The following HOXD8 variants were observed in gnomAD, a reference collection of about 807,000 sequenced individuals.
HOXD8 encodes the protein homeobox protein Hox-D8.
Under a neutral mutation model 25.4 loss-of-function variants are expected in HOXD8, and 17 were observed. That is an observed-to-expected ratio of 0.67 (90% CI 0.46 to 1.00). HOXD8 has a LOEUF of 1.00. HOXD8 is among the 50% of genes least tolerant of loss of function. The pLI, the probability that HOXD8 is intolerant of heterozygous loss-of-function variation, is 0.00. For synonymous variants in HOXD8, 203 were observed against 175.3 expected (o/e 1.16, Z -1.25); for missense variants, 511 against 398.5 (o/e 1.28, Z -2.40).
At position 176,131,790 on chromosome 2, in the gene HOXD8, T is replaced by C. The variant is rs1351148154; in HGVS notation, c.*178T>C. 3.5e-6 allele frequency: 2 copies of C among 575,118 alleles called. No homozygotes were observed. Among genetic ancestry groups the C allele is most frequent in the Non-Finnish European group, 6.1e-6 (2 of 326,802 alleles). The allele number at this position is 575,118 out of a possible 1,614,324, so 35.6% of individuals were successfully genotyped here. ...TTTGGGTGTTTAAAAAAGTTTCTAG[T>C]ATCACATAGAAGCTGTCCTTGAGCT... On this transcript the variant is annotated 3_prime_UTR_variant, in exon 2 of 2. Transcript: ENST00000313173.
Position 176,129,839 on chromosome 2 carries a change from G to C in HOXD8, c.-528G>C, listed in dbSNP as rs1157839635. 1 of 264,786 alleles carries C rather than the reference G, an allele frequency of 3.8e-6. No homozygotes were observed. Among genetic ancestry groups the C allele is most frequent in the East Asian group, 1.5e-4 (1 of 6,646 alleles). 16.4% of individuals were successfully genotyped at this position (264,786 alleles called of 1,614,324 possible). A position where few individuals can be genotyped will look rare whatever the true frequency, so the allele number is the denominator to read the frequency against. ...TTGGCGGGAGGGGGGCGCGGGGGGG[G>C]CGCGGTAAGAGGTGGCGGCGGGCAG... On this transcript the variant is annotated 5_prime_UTR_variant, in exon 1 of 2. Transcript: ENST00000313173.
In HOXD8 at chr2:176,130,407, A is replaced by AGGCGGCGGCTGC. The variant is rs1553519628; in HGVS notation, c.51_62dup (p.Ala20_Ala23dup). On this transcript the variant is annotated inframe_insertion, in exon 1 of 2. Transcript: ENST00000313173. The stretch of plus-strand genomic sequence containing the variant: ...GTGAACCCGCTGTACTCCAAGTACA[A>AGGCGGCGGCTGC]GGCGGCGGCTGCGGCGGCGGCGGCG... The AGGCGGCGGCTGC allele has an allele frequency of 9.4e-6, 14 of 1,486,610 alleles. No individual in the cohort carries two copies. The highest frequency in any genetic ancestry group is 6.9e-5 in the Admixed American group (3 of 43,514). 92.1% of individuals were successfully genotyped at this position (1,486,610 alleles called of 1,614,324 possible).
rs770194492 is a variant in HOXD8, at chr2:176,131,382, G to T, written c.643G>T (p.Glu215Ter). The change falls in exon 2 of 2, where the codon GAA becomes TAA. Residue 215 changes from glutamate to a stop codon, truncating the protein, a stop_gained. Coordinates refer to ENST00000313173, the MANE Select transcript of HOXD8 (RefSeq NM_019558.4). LOFTEE classifies it high-confidence loss of function. ...SRFQTLELEK[E>*]FLFNPYLTRK... ...CTTCCAAACTCTAGAGTTGGAAAAGGAATTTCTTTTTAACCCCTATCTGAC... is the reference window on the plus strand; with the variant it reads ...CTTCCAAACTCTAGAGTTGGAAAAGTAATTTCTTTTTAACCCCTATCTGAC... 5 of 1,613,314 alleles carry T rather than the reference G, an allele frequency of 3.1e-6. No individual in the cohort carries two copies. The highest frequency in any genetic ancestry group is 4.2e-6 in the Non-Finnish European group (5 of 1,179,792).
chr2:176,131,331 C>A lies in HOXD8; in HGVS notation c.592C>A (p.Arg198=). 6.4e-7 allele frequency: 1 copy of A among 1,562,124 alleles called. No individual in the cohort carries two copies. Among genetic ancestry groups the A allele is most frequent in the Admixed American group, 1.9e-5 (1 of 53,132 alleles). Residue 198 remains arginine, a synonymous_variant, in exon 2 of 2, where the codon CGA becomes AGA. Coordinates refer to ENST00000313173, the MANE Select transcript of HOXD8 (RefSeq NM_019558.4). ...GTTTTAATCAGCAGCTCCTGGTAGA[C>A]GAAGAGGAAGACAAACCTACAGTCG... The part of the protein sequence containing the change: ...WMRPQAAPGR[R]RGRQTYSRFQ...
chr2:176,130,502 G>C lies in HOXD8; in HGVS notation c.136G>C (p.Ala46Pro), dbSNP rs2105405162. The change falls in exon 1 of 2, where the codon GCC (alanine) becomes CCC (proline). Residue 46 changes from alanine (A) to proline (P), a missense_variant. Coordinates refer to ENST00000313173, the MANE Select transcript of HOXD8 (RefSeq NM_019558.4). ...FAPEVGGRHA[A>P]AAAALQLYGN... ...GCCCGAGGTCGGCGGCCGTCACGCC[G>C]CCGCCGCAGCAGCCCTGCAGCTCTA... 6.7e-7 allele frequency: 1 copy of C among 1,491,280 alleles called. No individual in the cohort carries two copies. The highest frequency in any genetic ancestry group is 1.3e-5 in the South Asian group (1 of 79,850). The allele number at this position is 1,491,280 out of a possible 1,614,324, so 92.4% of individuals were successfully genotyped here.
At chr2:176,131,198 G>A in intron 1 of HOXD8, 119 bp from the exon 2 acceptor site, 1 of 864,750 alleles carries the variant, frequency 1.2e-6, no homozygotes, top group Non-Finnish European at 1.8e-6. Context: ...CGGAGCTAAA[G>A]AGCTCTGTGT....
In HOXD8 at chr2:176,130,113, A is replaced by AGGGAGGCGGCGCGAAGCCG. The variant is rs947469932; in HGVS notation, c.-253_-235dup. On this transcript the variant is annotated 5_prime_UTR_variant, in exon 1 of 2. Transcript: ENST00000313173. ...GCTGGGCGAGGCCCCGCGACCCGCG[A>AGGGAGGCGGCGCGAAGCCG]GGGAGGCGGCGCGAAGCCGAGGCGG... 2 of 154,182 alleles carry AGGGAGGCGGCGCGAAGCCG rather than the reference A, an allele frequency of 1.3e-5. No homozygotes were observed. Among genetic ancestry groups the AGGGAGGCGGCGCGAAGCCG allele is most frequent in the African/African-American group, 2.5e-5 (1 of 40,710 alleles). 9.6% of individuals were successfully genotyped at this position (154,182 alleles called of 1,614,324 possible). A position where few individuals can be genotyped will look rare whatever the true frequency, so the allele number is the denominator to read the frequency against.
rs752042033 is a variant in HOXD8, at chr2:176,130,691, C to T, written c.325C>T (p.Pro109Ser). ...GSPAAAYQAA[P>S]PPPPHPPPPP... Reference sequence around the variant, plus strand: ...CCCGGCCGCTGCCTACCAGGCCGCCCCCCCTCCTCCTCCGCATCCTCCGCC... The same window carrying T: ...CCCGGCCGCTGCCTACCAGGCCGCCTCCCCTCCTCCTCCGCATCCTCCGCC... The change falls in exon 1 of 2, where the codon CCC (proline) becomes TCC (serine). Residue 109 changes from proline (P) to serine (S), a missense_variant. Physicochemically the swap from Pro to Ser is moderately conservative, Grantham distance 74. Transcript: ENST00000313173. 74 of 1,585,800 alleles carry T rather than the reference C, an allele frequency of 4.7e-5. No individual in the cohort carries two copies. The highest frequency in any genetic ancestry group is 1.0e-4 in the South Asian group (9 of 87,216).
Position 176,131,635 on chromosome 2 carries a change from C to A in HOXD8, c.*23C>A. The A allele has an allele frequency of 1.5e-6, 2 of 1,295,038 alleles. No individual in the cohort carries two copies. The highest frequency in any genetic ancestry group is 1.3e-5 in the South Asian group (1 of 77,472). The allele number at this position is 1,295,038 out of a possible 1,614,324, so 80.2% of individuals were successfully genotyped here. On this transcript the variant is annotated 3_prime_UTR_variant, in exon 2 of 2. Coordinates refer to ENST00000313173, the MANE Select transcript of HOXD8 (RefSeq NM_019558.4). ...TAACTTCTACCTTTAAAATTTACCACAGACTATTAAAACTAATAATCACCA... is the reference window on the plus strand; with the variant it reads ...TAACTTCTACCTTTAAAATTTACCAAAGACTATTAAAACTAATAATCACCA...
intron 1 of HOXD8, 141 bp from the exon 2 acceptor site, chr2:176,131,176 A>ATC: frequency 1.5e-6 from 1 of 666,738 alleles, no homozygotes; most frequent in Non-Finnish European, 2.5e-6. Context: ...TGCACACCCT[A>ATC]TATATATATA....
chr2:176,130,273 C>A lies in HOXD8; in HGVS notation c.-94C>A. The A allele has an allele frequency of 1.3e-6, 1 of 746,284 alleles. No homozygotes were observed. The highest frequency in any genetic ancestry group is 1.8e-6 in the Non-Finnish European group (1 of 547,150). The allele number at this position is 746,284 out of a possible 1,614,324, so 46.2% of individuals were successfully genotyped here. ...GTCCCGGCGGCGAGAGCAGCCGCCC[C>A]ACAGGCCCCCGCGGCAGTGCGGCCG... is the stretch of plus-strand genomic sequence containing the variant. On this transcript the variant is annotated 5_prime_UTR_variant, in exon 1 of 2. Transcript: ENST00000313173.
chr2:176,129,855 C>A lies in HOXD8; in HGVS notation c.-512C>A. On this transcript the variant is annotated 5_prime_UTR_variant, in exon 1 of 2. Transcript: ENST00000313173. ...GCGGGGGGGGCGCGGTAAGAGGTGG[C>A]GGCGGGCAGAGGGTGTTTTTTTTCT... The A allele has an allele frequency of 3.8e-6, 1 of 261,716 alleles. No individual in the cohort carries two copies. The highest frequency in any genetic ancestry group is 3.5e-5 in the South Asian group (1 of 28,282). 16.2% of individuals were successfully genotyped at this position (261,716 alleles called of 1,614,324 possible).
chr2:176,131,360 C>A lies in HOXD8; in HGVS notation c.621C>A (p.Phe207Leu), dbSNP rs1433412506. The change falls in exon 2 of 2, where the codon TTC becomes TTA. Residue 207 changes from phenylalanine to leucine, a missense_variant. Physicochemically the swap from Phe to Leu is conservative, Grantham distance 22. Transcript: ENST00000313173. Reference sequence around the variant, plus strand: ...GAGGAAGACAAACCTACAGTCGCTTCCAAACTCTAGAGTTGGAAAAGGAAT... The same window carrying A: ...GAGGAAGACAAACCTACAGTCGCTTACAAACTCTAGAGTTGGAAAAGGAAT... ...RRRGRQTYSR[F>L]QTLELEKEFL... The A allele has an allele frequency of 7.6e-6, 12 of 1,574,044 alleles. No individual in the cohort carries two copies. In the South Asian group the frequency reaches 1.3e-4, roughly 17 times the overall value.
chr2:176,130,659 G>A lies in HOXD8; in HGVS notation c.293G>A (p.Gly98Glu), dbSNP rs745778561. 4.5e-6 allele frequency: 7 copies of A among 1,551,360 alleles called. No individual in the cohort carries two copies. The highest frequency in any genetic ancestry group is 3.7e-5 in the South Asian group (3 of 81,414). Residue 98 changes from glycine to glutamate, a missense_variant, in exon 1 of 2, where the codon GGG becomes GAG. By Grantham distance (98) the Gly-to-Glu change is moderately conservative (BLOSUM62 -2). Coordinates refer to ENST00000313173, the MANE Select transcript of HOXD8 (RefSeq NM_019558.4). ...GRGQEYFHPG[G>E]GSPAAAYQAA... ...GGCCAGGAGTACTTCCACCCCGGCG[G>A]GGGCAGCCCGGCCGCTGCCTACCAG...
At position 176,131,306 on chromosome 2, in the gene HOXD8, GTTTTA is replaced by G. The variant is rs746593450; in HGVS notation, c.578-10_578-6del. On this transcript the variant is annotated splice_polypyrimidine_tract_variant and splice_region_variant and intron_variant, in intron 1 of 1. Transcript: ENST00000313173. ...TTTTATTCCCCCCCCCTTTTTTTTT[GTTTTA>G]ATCAGCAGCTCCTGGTAGACGAAGA... is the stretch of plus-strand genomic sequence containing the variant. 7.3e-7 allele frequency: 1 copy of G among 1,374,926 alleles called. No homozygotes were observed. 85.2% of individuals were successfully genotyped at this position (1,374,926 alleles called of 1,614,324 possible). A position where few individuals can be genotyped will look rare whatever the true frequency, so the allele number is the denominator to read the frequency against.
Position 176,130,501 on chromosome 2 carries a change from C to A in HOXD8, c.135C>A (p.Ala45=). 6.7e-7 allele frequency: 1 copy of A among 1,491,880 alleles called. No individual in the cohort carries two copies. The highest frequency in any genetic ancestry group is 8.9e-7 in the Non-Finnish European group (1 of 1,127,500). The allele number at this position is 1,491,880 out of a possible 1,614,324, so 92.4% of individuals were successfully genotyped here. ...CGCCCGAGGTCGGCGGCCGTCACGC[C>A]GCCGCCGCAGCAGCCCTGCAGCTCT... is the stretch of plus-strand genomic sequence containing the variant. The part of the protein sequence containing the change: ...HFAPEVGGRH[A]AAAAALQLYG... Residue 45 remains alanine (A), a synonymous_variant, in exon 1 of 2, where the codon GCC becomes GCA. Coordinates refer to ENST00000313173, the MANE Select transcript of HOXD8 (RefSeq NM_019558.4).
Position 176,131,525 on chromosome 2 carries a change from C to T in HOXD8, c.786C>T (p.Pro262=), listed in dbSNP as rs771847272. ...AGGAAAACAACAAGGACAAATTTCC[C>T]GTTTCCCGGCAGGAGGTGAAGGACG... ...WKKENNKDKF[P]VSRQEVKDGE... Residue 262 remains proline, a synonymous_variant, in exon 2 of 2, where the codon CCC becomes CCT. Transcript: ENST00000313173. 1.9e-6 allele frequency: 3 copies of T among 1,613,768 alleles called. No homozygotes were observed. Among genetic ancestry groups the T allele is most frequent in the Admixed American group, 1.7e-5 (1 of 59,998 alleles).
chr2:176,130,400 A>G lies in HOXD8; in HGVS notation c.34A>G (p.Lys12Glu), dbSNP rs1379591295. 6.7e-7 allele frequency: 1 copy of G among 1,483,796 alleles called. No individual in the cohort carries two copies. The highest frequency in any genetic ancestry group is 8.9e-7 in the Non-Finnish European group (1 of 1,124,626). The allele number at this position is 1,483,796 out of a possible 1,614,324, so 91.9% of individuals were successfully genotyped here. A position where few individuals can be genotyped will look rare whatever the true frequency, so the allele number is the denominator to read the frequency against. The change falls in exon 1 of 2, where the codon AAG (lysine) becomes GAG (glutamate). Residue 12 changes from lysine (K) to glutamate (E), a missense_variant. By Grantham distance (56) the Lys-to-Glu change is moderately conservative (BLOSUM62 1). Coordinates refer to ENST00000313173, the MANE Select transcript of HOXD8 (RefSeq NM_019558.4). Reference protein sequence around the residue: ...SSYFVNPLYSKYKAAAAAAAA... With the variant: ...SSYFVNPLYSEYKAAAAAAAA... ...GTACTTCGTGAACCCGCTGTACTCC[A>G]AGTACAAGGCGGCGGCTGCGGCGGC...
Position 176,130,726 on chromosome 2 carries a change from A to T in HOXD8, c.360A>T (p.Pro120=). The change falls in exon 1 of 2, where the codon CCA becomes CCT. Residue 120 remains proline, a synonymous_variant. Transcript: ENST00000313173. ...PPPPHPPPPP[P]PPPCGGIACH... is the part of the protein sequence containing the mutation. Reference sequence around the variant, plus strand: ...CTCCGCATCCTCCGCCTCCGCCGCCACCTCCCCCCTGCGGCGGGATTGCCT... The same window carrying T: ...CTCCGCATCCTCCGCCTCCGCCGCCTCCTCCCCCCTGCGGCGGGATTGCCT... 13 of 1,604,870 alleles carry T rather than the reference A, an allele frequency of 8.1e-6. No individual in the cohort carries two copies. Among genetic ancestry groups the T allele is most frequent in the Non-Finnish European group, 1.1e-5 (13 of 1,175,190 alleles).
Sources: allele counts gnomAD v4.1 joint callset, GRCh38; gene constraint gnomAD v4.1.1; transcripts MANE v1.5; gene names NCBI Gene and HGNC (gene_info 2026-07-23, HGNC 2026-07-21).